The following RASEF variants were observed in gnomAD, a reference collection of about 807,000 sequenced individuals.
RASEF encodes RAS and EF-hand domain containing.
RASEF carries 68 observed loss-of-function variants against 90.1 expected under a neutral mutation model. The observed-to-expected ratio is 0.75, with a 90% confidence interval of 0.62 to 0.92. The LOEUF is 0.92. Ranked by LOEUF, RASEF falls within the 40% of genes least tolerant of loss-of-function variation. RASEF has a pLI of 0.00. For synonymous variants in RASEF, 331 were observed against 345.2 expected (o/e 0.96, Z 0.46); for missense variants, 949 against 937.2 (o/e 1.01, Z -0.16).
At chr9:83,121,330 T>C in the RASEF span, among the ~76,000 whole-genome samples, 7 of 152,168 alleles carry the variant, frequency 4.6e-5, no homozygotes, top group African/African-American at 1.7e-4. Context: ...TGTATTGATA[T>C]CTATGACACA....
intron 16 of RASEF, among the ~76,000 whole-genome samples, chr9:82,988,441 G>A (rs1160287123): frequency 6.6e-6 from 1 of 152,136 alleles, no homozygotes; most frequent in Non-Finnish European, 1.5e-5. Flanking sequence ...ATGTATATGT[G>A]TTCAAATATT....
intron 1 of RASEF, among the ~76,000 whole-genome samples, chr9:83,043,122 A>T (rs73471410): frequency 0.029 from 4,436 of 152,334 alleles, 199 homozygotes; most frequent in African/African-American, 0.1. Context: ...ATGCTTACCA[A>T]AAGACTTGTG....
chr9:82,998,350 G>C lies in RASEF; in HGVS notation c.1805+15C>G. The C allele has an allele frequency of 6.3e-7, 1 of 1,578,876 alleles. No homozygotes were observed. Among genetic ancestry groups the C allele is most frequent in the South Asian group, 1.1e-5 (1 of 90,296 alleles). On this transcript the variant is annotated intron_variant, in intron 13 of 16. Coordinates refer to ENST00000376447, the MANE Select transcript of RASEF (RefSeq NM_152573.4). ...CAAACCCAGGATATCCCATAGCGCT[G>C]CGGAATGCACTTGCCTCTCCTGACC...
rs371929936 is a variant in RASEF at position 83,055,320 on chromosome 9, G to A, written c.431+7117C>T. ...GTGACCCGATTTTCCAGGTGCGTCC[G>A]TCACCCCTTTCTTTGACTCGGAAAG... On this transcript the variant is annotated intron_variant, in intron 1 of 16. Coordinates refer to ENST00000376447, the MANE Select transcript of RASEF (RefSeq NM_152573.4). 3,689 of 385,932 alleles carry A rather than the reference G, an allele frequency of 9.6e-3. 27 individuals carry two copies. Among genetic ancestry groups the A allele is most frequent in the South Asian group, 0.023 (1,005 of 43,148 alleles). 23.9% of individuals were successfully genotyped at this position (385,932 alleles called of 1,614,324 possible). A position where few individuals can be genotyped will look rare whatever the true frequency, so the allele number is the denominator to read the frequency against.
the RASEF span, among the ~76,000 whole-genome samples, chr9:83,159,829 A>G: frequency 2.0e-5 from 3 of 152,132 alleles, no homozygotes; most frequent in Non-Finnish European, 4.4e-5. Flanking sequence ...GTTCCCATGT[A>G]TTGTGGGAGA....
the RASEF span, among the ~76,000 whole-genome samples, chr9:83,154,566 G>A: frequency 5.3e-5 from 8 of 152,212 alleles, no homozygotes; most frequent in Non-Finnish European, 1.2e-4. Context: ...CCCACTTCCT[G>A]AGTGCACCTG....
intron 1 of RASEF, among the ~76,000 whole-genome samples, chr9:83,047,253 T>C (rs144679563): frequency 1.3e-5 from 2 of 151,878 alleles, no homozygotes; most frequent in Admixed American, 6.6e-5. Flanking sequence ...GAACCTGTTA[T>C]GAGACTACTC....
At chr9:83,093,303 C>T in the RASEF span, among the ~76,000 whole-genome samples, 4 of 152,222 alleles carry the variant, frequency 2.6e-5, no homozygotes, top group African/African-American at 9.6e-5. Flanking sequence ...GCTCACACTG[C>T]TCAGCCCTTG....
the RASEF span, among the ~76,000 whole-genome samples, chr9:83,173,995 CCT>C: frequency 6.6e-6 from 1 of 151,604 alleles, no homozygotes; most frequent in African/African-American, 2.4e-5. Flanking sequence ...TCCTGTTCTG[CCT>C]CTCTCCCATC....
chr9:83,064,655 CT>C (rs1354122980), upstream of RASEF, among the ~76,000 whole-genome samples: 5 of 152,278 alleles, frequency 3.3e-5, no homozygotes, highest in East Asian at 9.7e-4. Context: ...TTGAAGATTG[CT>C]TGCACAACTT....
chr9:83,002,512 ATATT>A (rs1319428579), intron 9 of RASEF, among the ~76,000 whole-genome samples: 2 of 150,442 alleles, frequency 1.3e-5, no homozygotes, highest in African/African-American at 2.4e-5. Flanking sequence ...ATATATTTTA[ATATT>A]TATTTATTGT....
chr9:83,134,727 T>A, the RASEF span, among the ~76,000 whole-genome samples: 4 of 152,214 alleles, frequency 2.6e-5, no homozygotes, highest in East Asian at 7.7e-4. Flanking sequence ...CACGGAGTTA[T>A]CATATGACCC....
At chr9:83,117,403 A>G in the RASEF span, among the ~76,000 whole-genome samples, 1 of 152,166 alleles carries the variant, frequency 6.6e-6, no homozygotes, top group Non-Finnish European at 1.5e-5. Flanking sequence ...AGCTGACTCA[A>G]ATTAGATGAA....
the RASEF span, among the ~76,000 whole-genome samples, chr9:83,146,731 C>T: frequency 6.6e-6 from 1 of 152,230 alleles, no homozygotes; most frequent in Admixed American, 6.5e-5. Context: ...TATCTAAAAT[C>T]TCAGGAACAT....
chr9:83,124,037 G>A, the RASEF span, among the ~76,000 whole-genome samples: 1 of 152,156 alleles, frequency 6.6e-6, no homozygotes, highest in Non-Finnish European at 1.5e-5. Flanking sequence ...ATGTCAGTGG[G>A]ATCATACAGT....
the RASEF span, among the ~76,000 whole-genome samples, chr9:83,203,066 G>T: frequency 6.6e-6 from 1 of 152,024 alleles, no homozygotes; most frequent in Non-Finnish European, 1.5e-5. Context: ...TGTATATATG[G>T]AATCTATATA....
the RASEF span, among the ~76,000 whole-genome samples, chr9:83,086,436 A>AATGT: frequency 3.9e-5 from 6 of 152,204 alleles, no homozygotes; most frequent in African/African-American, 1.2e-4. Flanking sequence ...AACAGTTCTC[A>AATGT]ATGTATATTA....
chr9:82,998,261 G>T, intron 13 of RASEF, 104 bp downstream of exon 13: 1 of 650,734 alleles, frequency 1.5e-6, no homozygotes, highest in South Asian at 2.1e-5. Flanking sequence ...TAATTATAAA[G>T]TATGTTATAA....
At position 83,022,089 on chromosome 9, in the gene RASEF, T is replaced by C. The variant is rs999688970; in HGVS notation, c.669+247A>G. Among the ~76,000 whole-genome samples the C allele has an allele frequency of 8.5e-5, 13 of 152,156 alleles. No homozygotes were observed. The South Asian group carries it at 1.2e-3, about 15-fold the overall frequency. On this transcript the variant is annotated intron_variant, in intron 3 of 16. Coordinates refer to ENST00000376447, the MANE Select transcript of RASEF (RefSeq NM_152573.4). The stretch of plus-strand genomic sequence containing the variant: ...AAGCAGCCTCCTCCCCCAGTCACTA[T>C]GGCACATGTTATTTCTTTACTGCAC...
Sources: allele counts gnomAD v4.1 joint callset (sites outside exome capture counted in the v4.1 genomes callset), GRCh38; gene constraint gnomAD v4.1.1; transcripts MANE v1.5; gene names NCBI Gene and HGNC (gene_info 2026-07-23, HGNC 2026-07-21).